The following PSD3 variants were observed in gnomAD, a reference collection of about 807,000 sequenced individuals.
The protein encoded by PSD3 is PH and SEC7 domain-containing protein 3.
Under a neutral mutation model 105.5 loss-of-function variants are expected in PSD3, and 49 were observed. The observed-to-expected ratio is 0.46, with a 90% confidence interval of 0.37 to 0.59. The LOEUF (loss-of-function observed/expected upper bound fraction) is 0.59, where lower values mean the gene tolerates loss of function less well. Among genes scored for constraint, PSD3 ranks in the 20% least tolerant of loss-of-function variants. The pLI is 0.00. For missense variants in PSD3, 1,561 were observed against 1,263.8 expected (o/e 1.24, Z -3.57); for synonymous variants, 557 against 457.8 (o/e 1.22, Z -2.77).
chr8:18,560,161 A>C (rs1374517993), intron 14 of PSD3, among the ~76,000 whole-genome samples: 1 of 145,150 alleles, frequency 6.9e-6, no homozygotes, highest in East Asian at 2.0e-4. Context: ...CCATGATAAG[A>C]AAGATACACA....
intron 1 of PSD3, among the ~76,000 whole-genome samples, chr8:19,013,087 A>G (rs1463240137): frequency 6.6e-6 from 1 of 152,240 alleles, no homozygotes; most frequent in Non-Finnish European, 1.5e-5. Context: ...CATGTAAAAC[A>G]GAATGACTTA....
intron 8 of PSD3, chr8:18,775,072 C>T (rs773216177): frequency 4.9e-6 from 2 of 409,350 alleles, no homozygotes; most frequent in South Asian, 1.8e-5. Context: ...ATGAAATCTA[C>T]TTTTTAAGCC....
intron 1 of PSD3, among the ~76,000 whole-genome samples, chr8:19,040,108 T>C (rs1040022247): frequency 2.6e-5 from 4 of 152,126 alleles, no homozygotes; most frequent in African/African-American, 9.7e-5. Flanking sequence ...AAAGACAGCA[T>C]GGGTTGTGAA....
intron 4 of PSD3, among the ~76,000 whole-genome samples, chr8:18,814,105 G>C (rs1811997577): frequency 6.6e-6 from 1 of 152,222 alleles, no homozygotes; most frequent in East Asian, 1.9e-4. Context: ...AGCCTCTTAT[G>C]ATTTAAGACT....
chr8:18,825,363 T>A (rs1813089576), intron 4 of PSD3, among the ~76,000 whole-genome samples: 1 of 152,176 alleles, frequency 6.6e-6, no homozygotes. Context: ...AAAACACACA[T>A]GGCCAGGTAC....
In PSD3 at chr8:18,799,370, GA is replaced by G. The variant is rs769018157; in HGVS notation, c.2024-18del. ...GGACTCCATCTAAAGAAAGATACAA[GA>G]AAAAAAAGCATGAATTCGCTTTTCA... On this transcript the variant is annotated intron_variant, in intron 7 of 15. Transcript: ENST00000327040. 6.7e-5 allele frequency: 105 copies of G among 1,563,150 alleles called. 1 individual carries two copies. Among genetic ancestry groups the G allele is most frequent in the East Asian group, 6.4e-4 (28 of 43,748 alleles).
chr8:18,692,829 A>G (rs1253011431), intron 9 of PSD3, among the ~76,000 whole-genome samples: 3 of 152,080 alleles, frequency 2.0e-5, no homozygotes, highest in Non-Finnish European at 4.4e-5. Context: ...TGTTATTTTA[A>G]CTCCTCACTG....
At chr8:19,059,870 GCT>G (rs1828838201) in intron 1 of PSD3, among the ~76,000 whole-genome samples, 1 of 152,152 alleles carries the variant, frequency 6.6e-6, no homozygotes, top group Non-Finnish European at 1.5e-5. Context: ...CACCTACCAG[GCT>G]CTGTCTTCTA....
intron 14 of PSD3, among the ~76,000 whole-genome samples, chr8:18,563,368 G>C (rs1185230389): frequency 2.6e-5 from 4 of 152,092 alleles, no homozygotes; most frequent in Admixed American, 1.3e-4. Context: ...TGAAGATACA[G>C]AGGGGAGGGC....
chr8:18,647,189 T>C (rs11775144), intron 10 of PSD3, among the ~76,000 whole-genome samples: 8,405 of 152,264 alleles, frequency 0.055, 318 homozygotes, highest in African/African-American at 0.11. Context: ...AGACCAGTCA[T>C]GACTTAAATT....
chr8:18,607,046 T>G (rs1241489131), intron 11 of PSD3, among the ~76,000 whole-genome samples: 1 of 152,134 alleles, frequency 6.6e-6, no homozygotes, highest in African/African-American at 2.4e-5. Context: ...CATTAAGAAA[T>G]AGAAAATATC....
chr8:18,960,922 A>G (rs1823872301), intron 1 of PSD3, among the ~76,000 whole-genome samples: 1 of 151,418 alleles, frequency 6.6e-6, no homozygotes, highest in African/African-American at 2.4e-5. Flanking sequence ...CCATCTCTAC[A>G]AAAAAATACA....
chr8:18,935,511 T>TAAAA (rs5889837), intron 2 of PSD3, among the ~76,000 whole-genome samples: 1 of 138,080 alleles, frequency 7.2e-6, no homozygotes, highest in Non-Finnish European at 1.6e-5. Context: ...CCCTGTCTCT[T>TAAAA]AAAAAAAAAA....
rs1476667911 is a variant in PSD3, at chr8:18,859,324, T to C, written c.1634+8350A>G. Among the ~76,000 whole-genome samples the C allele has an allele frequency of 4.0e-5, 6 of 151,880 alleles. No homozygotes were observed. In the South Asian group the frequency reaches 6.2e-4, roughly 16 times the overall value. ...AGCAGATGTGCTGTTATCTAGCCTT[T>C]GTAGTTCCATTCCTAGAGCACAGGC... On this transcript the variant is annotated intron_variant, in intron 4 of 15. Coordinates refer to ENST00000327040, the MANE Select transcript of PSD3 (RefSeq NM_015310.4).
At chr8:18,566,525 CAAAAAAA>C (rs372562835) in intron 14 of PSD3, among the ~76,000 whole-genome samples, 10 of 130,666 alleles carry the variant, frequency 7.7e-5, no homozygotes, top group Non-Finnish European at 4.9e-5. Flanking sequence ...GACTCTGTCT[CAAAAAAA>C]AAAAAAAAAA....
At chr8:18,696,350 T>C (rs926479034) in intron 9 of PSD3, among the ~76,000 whole-genome samples, 1 of 152,214 alleles carries the variant, frequency 6.6e-6, no homozygotes, top group Non-Finnish European at 1.5e-5. Flanking sequence ...AGATAGATAT[T>C]ATCAGTCCCA....
At chr8:19,070,819 A>G (rs1829230581) in intron 1 of PSD3, among the ~76,000 whole-genome samples, 1 of 152,226 alleles carries the variant, frequency 6.6e-6, no homozygotes, top group South Asian at 2.1e-4. Context: ...CTCAGCACTA[A>G]CCAAGCAAAG....
At chr8:18,620,621 G>T (rs563863982) in intron 11 of PSD3, among the ~76,000 whole-genome samples, 17 of 152,112 alleles carry the variant, frequency 1.1e-4, no homozygotes, top group South Asian at 4.1e-4. Context: ...AGGTAGGGGG[G>T]ACTGCTTGAG....
chr8:18,889,273 T>C (rs1818633978), intron 2 of PSD3, among the ~76,000 whole-genome samples: 1 of 152,166 alleles, frequency 6.6e-6, no homozygotes, highest in African/African-American at 2.4e-5. Flanking sequence ...TTTGTATTGA[T>C]TATATTCTCT....
Sources: gnomAD v4.1 joint callset for allele counts (sites outside exome capture counted in the v4.1 genomes callset) on GRCh38, gnomAD v4.1.1 for gene constraint, MANE v1.5 for transcripts, NCBI Gene and HGNC (gene_info 2026-07-23, HGNC 2026-07-21) for gene names.